Variants in MECR observed in about 807,000 individuals in gnomAD.
MECR encodes the protein mitochondrial trans-2-enoyl-CoA reductase, also known as enoyl-[acyl-carrier-protein] reductase, mitochondrial.
A neutral mutation model predicts 49.1 loss-of-function variants in MECR; 37 were observed. That is an observed-to-expected ratio of 0.75 (90% CI 0.58 to 0.99). The LOEUF (loss-of-function observed/expected upper bound fraction) is 0.99. Ranked by LOEUF, MECR falls within the 50% of genes least tolerant of loss-of-function variation. MECR has a pLI of 0.00. For missense variants in MECR, 470 were observed against 479.6 expected (o/e 0.98, Z 0.19); for synonymous variants, 198 against 191.1 (o/e 1.04, Z -0.30).
intron 7 of MECR, chr1:29,200,287 C>T: frequency 2.5e-6 from 1 of 394,058 alleles, no homozygotes; most frequent in Non-Finnish European, 4.6e-6. Context: ...CTTCTGGGGT[C>T]CCTTGGAAAA....
chr1:29,191,681 G>A (rs1403322641), downstream of MECR, among the ~76,000 whole-genome samples: 2 of 152,184 alleles, frequency 1.3e-5, no homozygotes, highest in Admixed American at 1.3e-4. Context: ...TTCCCCAGAG[G>A]GCAATGCAGA....
the MECR span, among the ~76,000 whole-genome samples, chr1:29,174,987 TAAA>T: frequency 1.5e-5 from 2 of 134,160 alleles, no homozygotes; most frequent in Non-Finnish European, 1.6e-5. Context: ...GTTTTTTAAT[TAAA>T]AAAAAAAAAA....
At chr1:29,189,404 G>T (rs1483511097), downstream of MECR, among the ~76,000 whole-genome samples, 1 of 150,796 alleles carries the variant, frequency 6.6e-6, no homozygotes, top group African/African-American at 2.4e-5. Context: ...GTTGGGGGGG[G>T]GTCTCCTCAT....
chr1:29,176,318 T>C, the MECR span, among the ~76,000 whole-genome samples: 2 of 151,850 alleles, frequency 1.3e-5, no homozygotes, highest in African/African-American at 4.8e-5. Context: ...AGGCAAAGTG[T>C]TTGCTTTTTC....
At chr1:29,179,079 G>A in the MECR span, among the ~76,000 whole-genome samples, 4 of 152,082 alleles carry the variant, frequency 2.6e-5, no homozygotes, top group African/African-American at 9.7e-5. Context: ...GGTCCTGAAA[G>A]GCTCTTTCCT....
intron 1 of MECR, among the ~76,000 whole-genome samples, chr1:29,225,870 T>G (rs1681910662): frequency 6.6e-6 from 1 of 152,132 alleles, no homozygotes; most frequent in African/African-American, 2.4e-5. Context: ...TCCATCTGGC[T>G]TAAGACAGAA....
At chr1:29,204,249 C>A (rs1676015010) in intron 4 of MECR, among the ~76,000 whole-genome samples, 1 of 151,748 alleles carries the variant, frequency 6.6e-6, no homozygotes, top group South Asian at 2.1e-4. Context: ...CGATTAGAGT[C>A]AAATGCATCG....
chr1:29,216,741 C>T (rs1269516956), intron 1 of MECR, 56 bp from the exon 2 acceptor site: 36 of 1,612,420 alleles, frequency 2.2e-5, no homozygotes, highest in African/African-American at 8.0e-5. Context: ...ATGGGTGTTT[C>T]GCTCAAATCA....
chr1:29,181,112 T>C, the MECR span, among the ~76,000 whole-genome samples: 1 of 152,166 alleles, frequency 6.6e-6, no homozygotes, highest in East Asian at 1.9e-4. Context: ...CTACTCAAAC[T>C]GGAGTCTCCC....
chr1:29,177,175 A>G, the MECR span, among the ~76,000 whole-genome samples: 1 of 151,848 alleles, frequency 6.6e-6, no homozygotes, highest in Non-Finnish European at 1.5e-5. Context: ...AAAGCCAACA[A>G]AAGTTACCAC....
the MECR span, chr1:29,171,232 T>A: frequency 6.6e-6 from 1 of 151,710 alleles, no homozygotes; most frequent in African/African-American, 2.4e-5. Flanking sequence ...TCATAAAAAA[T>A]ACCATCTGTC....
chr1:29,212,620 C>T (rs1678297811), intron 3 of MECR, among the ~76,000 whole-genome samples: 1 of 152,200 alleles, frequency 6.6e-6, no homozygotes, highest in Admixed American at 6.5e-5. Flanking sequence ...ACGACACTGT[C>T]TTATTCAGAC....
the MECR span, among the ~76,000 whole-genome samples, chr1:29,175,746 A>G: frequency 6.7e-6 from 1 of 149,208 alleles, no homozygotes; most frequent in Non-Finnish European, 1.5e-5. Context: ...AATATGTGCT[A>G]CTTTGAAAAT....
chr1:29,180,375 C>T, the MECR span, among the ~76,000 whole-genome samples: 1 of 152,192 alleles, frequency 6.6e-6, no homozygotes, highest in African/African-American at 2.4e-5. Context: ...AAGCCTTTTA[C>T]TGTAAAAGAA....
At chr1:29,180,595 C>T in the MECR span, among the ~76,000 whole-genome samples, 5 of 152,260 alleles carry the variant, frequency 3.3e-5, no homozygotes, top group East Asian at 9.7e-4. Context: ...ACAACTGTTG[C>T]AAAGTAGAGT....
chr1:29,221,275 G>A (rs944033817), intron 1 of MECR: 3 of 152,230 alleles, frequency 2.0e-5, no homozygotes, highest in Non-Finnish European at 4.4e-5. Flanking sequence ...GGAAACACTG[G>A]GAGAAGGGCT....
chr1:29,169,627 AAC>A, the MECR span: 59 of 152,354 alleles, frequency 3.9e-4, no homozygotes, highest in African/African-American at 1.4e-3. Context: ...CAGCAATGAG[AAC>A]ACAAATATAT....
At chr1:29,188,073 C>A (rs1455668745), downstream of MECR, among the ~76,000 whole-genome samples, 2 of 147,158 alleles carry the variant, frequency 1.4e-5, no homozygotes, top group African/African-American at 5.0e-5. Context: ...CACCACCATG[C>A]CTGGCTAATT....
chr1:29,220,950 G>A (rs750143616), intron 1 of MECR: 26 of 983,916 alleles, frequency 2.6e-5, no homozygotes, highest in Non-Finnish European at 3.1e-5. Context: ...TCACTGAAAG[G>A]AAGACAGCAA....
Sources: allele counts gnomAD v4.1 joint callset (sites outside exome capture counted in the v4.1 genomes callset), GRCh38; gene constraint gnomAD v4.1.1; transcripts MANE v1.5; gene names NCBI Gene and HGNC (gene_info 2026-07-23, HGNC 2026-07-21).